Variants in PHACTR3 observed in about 807,000 individuals in gnomAD.
PHACTR3 encodes phosphatase and actin regulator 3.
PHACTR3 carries 16 observed loss-of-function variants against 66.8 expected under a neutral mutation model. The ratio of observed to expected loss-of-function variants is 0.24; its 90% confidence interval spans 0.16 to 0.36. The LOEUF (loss-of-function observed/expected upper bound fraction) is 0.36. Ranked by LOEUF, PHACTR3 falls within the 10% of genes least tolerant of loss-of-function variation. The pLI is 1.00. For missense variants in PHACTR3, 647 were observed against 719.9 expected, an observed-to-expected ratio of 0.90 and a Z score of 1.16; for synonymous variants, 323 against 292.1, an observed-to-expected ratio of 1.11 and a Z score of -1.08.
rs577494953 is a variant in PHACTR3, at chr20:59,747,291, G to A, written c.281-467G>A. Among the ~76,000 whole-genome samples, 9 of 152,334 alleles carry A rather than the reference G, an allele frequency of 5.9e-5. No homozygotes were observed. The East Asian group carries it at 7.7e-4, about 13-fold the overall frequency. ...TGGAAGAAGCTCTAGTGGGAGAGCC[G>A]CACAGGAGAATCTCATCTGTGAGTG... On this transcript the variant is annotated intron_variant, in intron 2 of 12. Transcript: ENST00000371015.
intron 1 of PHACTR3, among the ~76,000 whole-genome samples, chr20:59,587,517 CTCAGCAGCTAAA>C (rs2033068102): frequency 6.6e-6 from 1 of 152,250 alleles, no homozygotes; most frequent in Non-Finnish European, 1.5e-5. Flanking sequence ...TTACCACCAA[CTCAGCAGCTAAA>C]GCATCACCGA....
chr20:59,745,857 A>G (rs1174356071), intron 2 of PHACTR3, among the ~76,000 whole-genome samples: 1 of 152,204 alleles, frequency 6.6e-6, no homozygotes, highest in Non-Finnish European at 1.5e-5. Context: ...GGGGGAGGGT[A>G]GAGCCTCGCA....
Position 59,842,670 on chromosome 20 carries a change from G to C in PHACTR3, c.1587+1135G>C, listed in dbSNP as rs141793021. Among the ~76,000 whole-genome samples the C allele has an allele frequency of 2.6e-5, 4 of 152,238 alleles. No individual in the cohort carries two copies. The East Asian group carries it at 7.7e-4, about 29-fold the overall frequency. On this transcript the variant is annotated intron_variant, in intron 11 of 12. Transcript: ENST00000371015. ...ATTAATGTATGCTGAAGTTAGAAAG[G>C]CTTATTTCTAGATTATCTCTGATTA...
chr20:59,700,647 G>A (rs1448130406), intron 1 of PHACTR3, among the ~76,000 whole-genome samples: 1 of 152,178 alleles, frequency 6.6e-6, no homozygotes, highest in Non-Finnish European at 1.5e-5. Flanking sequence ...ATCTTACATG[G>A]TATGAGAGTG....
At chr20:59,799,348 C>A (rs1484608913) in intron 7 of PHACTR3, among the ~76,000 whole-genome samples, 1 of 152,082 alleles carries the variant, frequency 6.6e-6, no homozygotes, top group Non-Finnish European at 1.5e-5. Flanking sequence ...TCTATTTATT[C>A]TATGAATTAT....
intron 8 of PHACTR3, among the ~76,000 whole-genome samples, chr20:59,808,145 C>T (rs1194466815): frequency 1.3e-5 from 2 of 152,204 alleles, no homozygotes; most frequent in African/African-American, 2.4e-5. Context: ...GTGGAGCTGA[C>T]TTGTGTGGCT....
intron 1 of PHACTR3, among the ~76,000 whole-genome samples, chr20:59,635,438 T>TCTGA (rs2034865251): frequency 6.6e-6 from 1 of 151,706 alleles, no homozygotes; most frequent in Non-Finnish European, 1.5e-5. Context: ...TTCACCATGT[T>TCTGA]AGTCAGGCTG....
At chr20:59,677,211 C>A (rs1163915876) in intron 1 of PHACTR3, among the ~76,000 whole-genome samples, 6 of 152,082 alleles carry the variant, frequency 3.9e-5, no homozygotes, top group Non-Finnish European at 5.9e-5. Flanking sequence ...TATTCTTAAG[C>A]CAGGTTTTAT....
intron 2 of PHACTR3, among the ~76,000 whole-genome samples, chr20:59,745,680 G>A: frequency 6.6e-6 from 1 of 152,218 alleles, no homozygotes; most frequent in East Asian, 1.9e-4. Context: ...CAGTGGTTTT[G>A]GTAGGCGAGG....
chr20:59,749,068 G>A (rs1264911698), intron 3 of PHACTR3, among the ~76,000 whole-genome samples: 1 of 152,132 alleles, frequency 6.6e-6, no homozygotes, highest in Non-Finnish European at 1.5e-5. Flanking sequence ...TTACATGTGC[G>A]AGGAAAGCTT....
At chr20:59,599,405 T>G (rs1174836144) in intron 1 of PHACTR3, among the ~76,000 whole-genome samples, 1 of 152,144 alleles carries the variant, frequency 6.6e-6, no homozygotes, top group Non-Finnish European at 1.5e-5. Context: ...GAGCAGTTGG[T>G]AGCATAAGAA....
intron 4 of PHACTR3, among the ~76,000 whole-genome samples, chr20:59,762,176 G>A (rs2040014826): frequency 1.3e-5 from 2 of 152,224 alleles, no homozygotes; most frequent in African/African-American, 4.8e-5. Context: ...GGTGAGGATG[G>A]ATGTTTTGGG....
intron 8 of PHACTR3, among the ~76,000 whole-genome samples, chr20:59,819,536 T>TA (rs1341673476): frequency 0.038 from 5,038 of 131,476 alleles, 93 homozygotes; most frequent in African/African-American, 0.051. Context: ...ACCCTGTCGT[T>TA]AAAAAAAAAA....
intron 7 of PHACTR3, among the ~76,000 whole-genome samples, chr20:59,794,292 T>C (rs2041191600): frequency 6.6e-6 from 1 of 152,228 alleles, no homozygotes; most frequent in Non-Finnish European, 1.5e-5. Flanking sequence ...AGAGGTTTTA[T>C]TATGAAGTGA....
intron 1 of PHACTR3, among the ~76,000 whole-genome samples, chr20:59,635,462 G>A (rs2034866662): frequency 6.6e-6 from 1 of 151,742 alleles, no homozygotes; most frequent in Admixed American, 6.6e-5. Context: ...GTGAACTCCT[G>A]ACCTCAGGTG....
At chr20:59,690,875 A>G (rs1257655636) in intron 1 of PHACTR3, among the ~76,000 whole-genome samples, 4 of 152,198 alleles carry the variant, frequency 2.6e-5, no homozygotes, top group African/African-American at 9.7e-5. Context: ...GCCACCAGAG[A>G]CATTCCTGGG....
At chr20:59,680,207 AG>A (rs1347806931) in intron 1 of PHACTR3, among the ~76,000 whole-genome samples, 1 of 152,080 alleles carries the variant, frequency 6.6e-6, no homozygotes, top group Non-Finnish European at 1.5e-5. Flanking sequence ...TCAGTAGGGA[AG>A]GTACCAGGTT....
intron 9 of PHACTR3, among the ~76,000 whole-genome samples, chr20:59,838,281 T>A (rs1361414446): frequency 6.6e-6 from 1 of 152,190 alleles, no homozygotes; most frequent in Non-Finnish European, 1.5e-5. Flanking sequence ...GTATGAAACA[T>A]CATACTCATA....
At chr20:59,684,742 C>T (rs1258911543) in intron 1 of PHACTR3, among the ~76,000 whole-genome samples, 1 of 152,202 alleles carries the variant, frequency 6.6e-6, no homozygotes, top group Non-Finnish European at 1.5e-5. Flanking sequence ...GGAGGATCTG[C>T]TGAGCTGTTA....
Sources: gnomAD v4.1 joint callset for allele counts (sites outside exome capture counted in the v4.1 genomes callset) on GRCh38, gnomAD v4.1.1 for gene constraint, MANE v1.5 for transcripts, NCBI Gene and HGNC (gene_info 2026-07-23, HGNC 2026-07-21) for gene names.